Variants in CEP63 observed in about 807,000 individuals in gnomAD.
The protein encoded by CEP63 is centrosomal protein 63, also known as centrosomal protein of 63 kDa.
A neutral mutation model predicts 89.1 loss-of-function variants in CEP63; 84 were observed. That is an observed-to-expected ratio of 0.94 (90% CI 0.79 to 1.13). CEP63 has a LOEUF of 1.13. Among genes scored for constraint, CEP63 ranks in the 50% most tolerant of loss-of-function variants. The pLI is 0.00. For missense variants in CEP63, 838 were observed against 813.3 expected (o/e 1.03, Z -0.37); for synonymous variants, 267 against 272.5 (o/e 0.98, Z 0.20).
the CEP63 span, among the ~76,000 whole-genome samples, chr3:134,698,538 T>A: frequency 1.2e-4 from 18 of 152,318 alleles, no homozygotes; most frequent in African/African-American, 4.3e-4. Flanking sequence ...CTGCCAAGAA[T>A]GCAGTCTCTT....
At chr3:134,717,242 T>G in the CEP63 span, among the ~76,000 whole-genome samples, 3 of 152,218 alleles carry the variant, frequency 2.0e-5, no homozygotes, top group Non-Finnish European at 2.9e-5. Context: ...AAACTCCTAT[T>G]GCTAAAGTTC....
rs561866738 is a variant in CEP63 at position 134,564,383 on chromosome 3, G to C, written c.*2848G>C. 1.7e-4 allele frequency: 169 copies of C among 985,446 alleles called. No individual in the cohort carries two copies. The highest frequency in any genetic ancestry group is 2.0e-4 in the Non-Finnish European group (163 of 830,012). 61.0% of individuals were successfully genotyped at this position (985,446 alleles called of 1,614,324 possible). A position where few individuals can be genotyped will look rare whatever the true frequency, so the allele number is the denominator to read the frequency against. The stretch of plus-strand genomic sequence containing the variant: ...TTTACTTGGCTACTTTATCTGGCTT[G>C]GCAAAGCTTTCCCATATCCCCTGAC... On this transcript the variant is annotated 3_prime_UTR_variant, in exon 15 of 15. Transcript: ENST00000675561.
chr3:134,726,526 T>C, the CEP63 span, among the ~76,000 whole-genome samples: 1 of 151,738 alleles, frequency 6.6e-6, no homozygotes, highest in Admixed American at 6.6e-5. Context: ...TGTACCCAGA[T>C]ATAGGAAGGC....
At chr3:134,726,481 C>CACAA in the CEP63 span, among the ~76,000 whole-genome samples, 7 of 143,046 alleles carry the variant, frequency 4.9e-5, no homozygotes, top group Admixed American at 4.8e-4. Flanking sequence ...CACACACACA[C>CACAA]ACACACACAC....
chr3:134,558,035 A>G, intron 12 of CEP63, 107 bp from the exon 13 acceptor site: 1 of 924,784 alleles, frequency 1.1e-6, no homozygotes, highest in South Asian at 1.4e-5. Flanking sequence ...TTAAAGCCAT[A>G]GATTAACTAC....
the CEP63 span, among the ~76,000 whole-genome samples, chr3:134,601,737 C>T: frequency 6.6e-6 from 1 of 152,290 alleles, no homozygotes; most frequent in African/African-American, 2.4e-5. Flanking sequence ...TGCTCGAGGC[C>T]GCCGGCCTGT....
intron 3 of CEP63, among the ~76,000 whole-genome samples, chr3:134,518,574 A>G (rs889229168): frequency 6.6e-6 from 1 of 152,236 alleles, no homozygotes; most frequent in Non-Finnish European, 1.5e-5. Flanking sequence ...AAAATTAGAA[A>G]ATATTTTGGA....
At chr3:134,644,433 T>C in the CEP63 span, among the ~76,000 whole-genome samples, 1 of 152,180 alleles carries the variant, frequency 6.6e-6, no homozygotes, top group Non-Finnish European at 1.5e-5. Flanking sequence ...CAGCTGCTGC[T>C]GTGGCCTGCT....
the CEP63 span, among the ~76,000 whole-genome samples, chr3:134,687,275 T>A: frequency 3.0e-4 from 45 of 152,240 alleles, no homozygotes; most frequent in Non-Finnish European, 5.7e-4. Flanking sequence ...TTTATCTTCA[T>A]CAAATTTCTC....
intron 3 of CEP63, among the ~76,000 whole-genome samples, chr3:134,512,260 CTAATA>C (rs1945160273): frequency 6.6e-6 from 1 of 152,196 alleles, no homozygotes; most frequent in Non-Finnish European, 1.5e-5. Context: ...TGGTGGATCA[CTAATA>C]TAAGCAACTT....
chr3:134,574,828 G>C, exon 12 of CEP63: 1 of 631,884 alleles, frequency 1.6e-6, no homozygotes, highest in Non-Finnish European at 2.9e-6. Flanking sequence ...GTCTGGTTTT[G>C]AACTTCGGGA....
the CEP63 span, among the ~76,000 whole-genome samples, chr3:134,778,309 C>T: frequency 2.0e-5 from 3 of 151,888 alleles, no homozygotes; most frequent in African/African-American, 7.2e-5. Flanking sequence ...GTTGGCCAGG[C>T]TGGTCTCCAA....
At chr3:134,702,829 G>A in the CEP63 span, among the ~76,000 whole-genome samples, 2 of 152,086 alleles carry the variant, frequency 1.3e-5, no homozygotes, top group Admixed American at 6.6e-5. Flanking sequence ...AGATGAAGGC[G>A]AGGTTGTGGG....
chr3:134,685,348 T>C, the CEP63 span, among the ~76,000 whole-genome samples: 1 of 152,088 alleles, frequency 6.6e-6, no homozygotes, highest in South Asian at 2.1e-4. Flanking sequence ...AGCATCCAGG[T>C]AAGTGCAACG....
chr3:134,583,217 C>G (rs1313917791), intron 10 of CEP63, among the ~76,000 whole-genome samples: 1 of 152,124 alleles, frequency 6.6e-6, no homozygotes. Context: ...GCTTTTGTTG[C>G]CATTGTTTTT....
chr3:134,706,663 T>G, the CEP63 span, among the ~76,000 whole-genome samples: 1 of 152,232 alleles, frequency 6.6e-6, no homozygotes, highest in African/African-American at 2.4e-5. Flanking sequence ...TAACAAATTA[T>G]GCAAACATGG....
rs920746333 is a variant in CEP63 at position 134,496,357 on chromosome 3, T to C, written c.44+993T>C. 2.7e-5 allele frequency among the ~76,000 whole-genome samples: 4 copies of C among 148,476 alleles called. No individual in the cohort carries two copies. In the East Asian group the frequency reaches 7.9e-4, roughly 29 times the overall value. On this transcript the variant is annotated intron_variant, in intron 2 of 14. Coordinates refer to ENST00000675561, the MANE Select transcript of CEP63 (RefSeq NM_001353108.3). ...AACCATACATAATAGTGTATTAATA[T>C]ATGTAAATGTTGCAGTGTAAACATT...
At chr3:134,593,723 T>G in the CEP63 span, among the ~76,000 whole-genome samples, 1 of 152,264 alleles carries the variant, frequency 6.6e-6, no homozygotes, top group Non-Finnish European at 1.5e-5. Flanking sequence ...AGGGGACCAG[T>G]GGCTAAGAGG....
At chr3:134,717,885 C>A in the CEP63 span, among the ~76,000 whole-genome samples, 1 of 152,178 alleles carries the variant, frequency 6.6e-6, no homozygotes, top group Non-Finnish European at 1.5e-5. Context: ...GCTTGGATGT[C>A]TTTGGTGATG....
Sources: allele counts gnomAD v4.1 joint callset (sites outside exome capture counted in the v4.1 genomes callset), GRCh38; gene constraint gnomAD v4.1.1; transcripts MANE v1.5; gene names NCBI Gene and HGNC (gene_info 2026-07-23, HGNC 2026-07-21).